The following RIT2 variants were observed in gnomAD, a reference collection of about 807,000 sequenced individuals.
RIT2 encodes Ras like without CAAX 2.
A neutral mutation model predicts 23.7 loss-of-function variants in RIT2; 24 were observed. That is an observed-to-expected ratio of 1.01 (90% CI 0.73 to 1.43). RIT2 has a LOEUF of 1.43. RIT2 is among the 40% of genes most tolerant of loss of function. RIT2 has a pLI of 0.00. For missense variants in RIT2, 236 were observed against 266.9 expected (o/e 0.88, Z 0.81); for synonymous variants, 107 against 91.1 (o/e 1.17, Z -0.99).
intron 4 of RIT2, among the ~76,000 whole-genome samples, chr18:42,914,993 T>C (rs568995809): frequency 1.5e-5 from 1 of 65,124 alleles, no homozygotes; most frequent in East Asian, 5.8e-4. Flanking sequence ...AAGCATGTGG[T>C]TGAGTTAAAG....
intron 2 of RIT2, among the ~76,000 whole-genome samples, chr18:42,990,518 G>C (rs1017633178): frequency 2.0e-5 from 3 of 152,130 alleles, no homozygotes; most frequent in African/African-American, 7.2e-5. Context: ...ACTCCCTATT[G>C]AACTTCTACA....
intron 4 of RIT2, among the ~76,000 whole-genome samples, chr18:42,804,444 A>G (rs2849780): frequency 6.6e-5 from 10 of 151,792 alleles, no homozygotes; most frequent in Non-Finnish European, 1.0e-4. Context: ...AATCCCAGCT[A>G]CCTGGGAGGC....
At chr18:42,946,160 G>A (rs984107750) in intron 3 of RIT2, among the ~76,000 whole-genome samples, 1 of 151,974 alleles carries the variant, frequency 6.6e-6, no homozygotes, top group Non-Finnish European at 1.5e-5. Context: ...ATAGTTTAAA[G>A]GAATACAAAC....
At chr18:43,041,322 A>C (rs1912123691) in intron 1 of RIT2, among the ~76,000 whole-genome samples, 1 of 152,180 alleles carries the variant, frequency 6.6e-6, no homozygotes, top group African/African-American at 2.4e-5. Flanking sequence ...AGTAGACTCA[A>C]TAGCCCTTTG....
chr18:42,997,801 T>C (rs1420407984), intron 2 of RIT2, among the ~76,000 whole-genome samples: 1 of 152,124 alleles, frequency 6.6e-6, no homozygotes, highest in Non-Finnish European at 1.5e-5. Context: ...CACCAACACT[T>C]GGAAAATAGC....
intron 2 of RIT2, among the ~76,000 whole-genome samples, chr18:42,996,702 C>T (rs1200107183): frequency 1.3e-5 from 2 of 152,140 alleles, no homozygotes; most frequent in East Asian, 1.9e-4. Context: ...CCCCTATCTC[C>T]CTTCGCTGAC....
intron 4 of RIT2, among the ~76,000 whole-genome samples, chr18:42,830,653 CT>C (rs1266340884): frequency 2.0e-5 from 3 of 152,158 alleles, no homozygotes; most frequent in Admixed American, 1.3e-4. Flanking sequence ...GAAAACAGGG[CT>C]GCCAAATGAG....
intron 4 of RIT2, among the ~76,000 whole-genome samples, chr18:42,920,410 T>A (rs668518): frequency 0.46 from 69,865 of 151,986 alleles, 18,148 homozygotes; most frequent in East Asian, 0.94. Flanking sequence ...AGACTACTTC[T>A]TGGTCTTGCG....
chr18:43,099,739 C>G (rs959408833), intron 1 of RIT2, among the ~76,000 whole-genome samples: 4 of 152,060 alleles, frequency 2.6e-5, no homozygotes, highest in East Asian at 1.9e-4. Context: ...CACAATCTTG[C>G]AGGGTTTTTT....
chr18:42,789,337 G>T (rs1175181740), intron 4 of RIT2, among the ~76,000 whole-genome samples: 1 of 152,152 alleles, frequency 6.6e-6, no homozygotes, highest in South Asian at 2.1e-4. Context: ...CTGGTCTAAG[G>T]TTATATCTAT....
chr18:42,838,894 C>A (rs1284893661), intron 4 of RIT2, among the ~76,000 whole-genome samples: 1 of 152,118 alleles, frequency 6.6e-6, no homozygotes, highest in South Asian at 2.1e-4. Context: ...CTGGCATGCA[C>A]AATTTTCTCT....
intron 4 of RIT2, among the ~76,000 whole-genome samples, chr18:42,755,611 A>T (rs1051533981): frequency 1.3e-5 from 2 of 152,154 alleles, no homozygotes; most frequent in South Asian, 2.1e-4. Context: ...ATCACCCATC[A>T]GTATAAAGTA....
At chr18:42,982,554 C>A (rs2144215682) in intron 2 of RIT2, among the ~76,000 whole-genome samples, 1 of 152,240 alleles carries the variant, frequency 6.6e-6, no homozygotes, top group East Asian at 1.9e-4. Context: ...TACTTAATGT[C>A]CAAATAAAAC....
At chr18:42,964,345 C>T (rs370417040) in intron 3 of RIT2, among the ~76,000 whole-genome samples, 2 of 151,892 alleles carry the variant, frequency 1.3e-5, no homozygotes, top group Non-Finnish European at 2.9e-5. Flanking sequence ...AATAAGATAG[C>T]TACTAGATGA....
intron 4 of RIT2, among the ~76,000 whole-genome samples, chr18:42,847,345 T>C (rs1231934757): frequency 1.3e-5 from 2 of 152,154 alleles, no homozygotes; most frequent in African/African-American, 4.8e-5. Context: ...ATGCTCTTCC[T>C]GACTATGCTA....
chr18:42,820,607 C>T (rs1024188441), intron 4 of RIT2, among the ~76,000 whole-genome samples: 2 of 152,208 alleles, frequency 1.3e-5, no homozygotes, highest in East Asian at 1.9e-4. Context: ...GGTTTGCCTT[C>T]GCCCTTGTAC....
At chr18:43,073,084 A>C (rs1400952803) in intron 1 of RIT2, among the ~76,000 whole-genome samples, 1 of 152,188 alleles carries the variant, frequency 6.6e-6, no homozygotes, top group African/African-American at 2.4e-5. Flanking sequence ...ACAATAACTT[A>C]ATAACGAGGG....
intron 2 of RIT2, among the ~76,000 whole-genome samples, chr18:42,995,537 TCAGTCAAG>T (rs1174464647): frequency 1.3e-5 from 2 of 152,264 alleles, no homozygotes; most frequent in African/African-American, 4.8e-5. Context: ...ATTAGTCAAA[TCAGTCAAG>T]CATTTTTTCA....
chr18:43,032,256 T>G (rs1252648334), intron 2 of RIT2, among the ~76,000 whole-genome samples: 1 of 152,068 alleles, frequency 6.6e-6, no homozygotes, highest in Non-Finnish European at 1.5e-5. Flanking sequence ...ATACTTCTCA[T>G]TTCTCCTGTT....
Sources: allele counts gnomAD v4.1 joint callset (sites outside exome capture counted in the v4.1 genomes callset), GRCh38; gene constraint gnomAD v4.1.1; transcripts MANE v1.5; gene names NCBI Gene and HGNC (gene_info 2026-07-23, HGNC 2026-07-21).